The following TNFAIP8 variants were observed in gnomAD, a reference collection of about 807,000 sequenced individuals.
The protein encoded by TNFAIP8 is TNF alpha induced protein 8.
In TNFAIP8, 7 loss-of-function variants were observed where a neutral mutation model predicts 13.3. The observed-to-expected ratio is 0.52, with a 90% CI of 0.30 to 0.99. The LOEUF (loss-of-function observed/expected upper bound fraction) is 0.99, where lower values mean the gene tolerates loss of function less well. Among genes scored for constraint, TNFAIP8 ranks in the 50% least tolerant of loss-of-function variants. The pLI is 0.07. For synonymous variants in TNFAIP8, 94 were observed against 87.6 expected (o/e 1.07, Z -0.41); for missense variants, 258 against 236.9 (o/e 1.09, Z -0.58).
At chr5:119,281,306 A>ACACACACACACACACACTCTCT in intron 1 of TNFAIP8, among the ~76,000 whole-genome samples, 15,155 of 114,364 alleles carry the variant, frequency 0.13, 1,213 homozygotes, top group Non-Finnish European at 0.17. Flanking sequence ...ACACACACAC[A>ACACACACACACACACACTCTCT]CTCTCTCTCT....
intron 1 of TNFAIP8, among the ~76,000 whole-genome samples, chr5:119,293,834 G>A (rs1415816455): frequency 6.6e-6 from 1 of 152,176 alleles, no homozygotes; most frequent in African/African-American, 2.4e-5. Context: ...CTACTTTCAT[G>A]AATGCTTGAA....
chr5:119,328,088 G>A (rs1249865068), intron 1 of TNFAIP8, among the ~76,000 whole-genome samples: 1 of 152,148 alleles, frequency 6.6e-6, no homozygotes, highest in Non-Finnish European at 1.5e-5. Context: ...GCTTGAAATG[G>A]CTTCCAGGGA....
At chr5:119,392,225 C>G (rs139553642) in intron 1 of TNFAIP8, among the ~76,000 whole-genome samples, 12 of 152,310 alleles carry the variant, frequency 7.9e-5, no homozygotes, top group African/African-American at 2.9e-4. Flanking sequence ...GGAAATTTGA[C>G]TTTTTGCAAC....
At position 119,330,813 on chromosome 5, in the gene TNFAIP8, C is replaced by G. The variant is rs1230599771; in HGVS notation, c.1+61906C>G. Among the ~76,000 whole-genome samples, 5 of 152,080 alleles carry G rather than the reference C, an allele frequency of 3.3e-5. No homozygotes were observed. The East Asian group carries it at 7.7e-4, about 23-fold the overall frequency. ...CCAGATAAGGTGGCCGCAGACTTCC[C>G]TAATGACAGCTTATTTGGTATTACT... On this transcript the variant is annotated intron_variant, in intron 1 of 1. Transcript: ENST00000274456.
intron 1 of TNFAIP8, among the ~76,000 whole-genome samples, chr5:119,278,405 G>C (rs1190868971): frequency 1.3e-5 from 2 of 151,068 alleles, no homozygotes; most frequent in Admixed American, 6.6e-5. Flanking sequence ...GTGTGTGTGT[G>C]TGTGTGTGTG....
chr5:119,295,483 A>G (rs1272856249), intron 1 of TNFAIP8, among the ~76,000 whole-genome samples: 4 of 151,724 alleles, frequency 2.6e-5, no homozygotes, highest in Non-Finnish European at 2.9e-5. Context: ...TGTTCTGTTG[A>G]TCTATATCTC....
chr5:119,337,798 A>C (rs1308857764), intron 1 of TNFAIP8, among the ~76,000 whole-genome samples: 1 of 152,190 alleles, frequency 6.6e-6, no homozygotes, highest in African/African-American at 2.4e-5. Context: ...GCTCAGTTAA[A>C]GTTGCCACCA....
intron 1 of TNFAIP8, among the ~76,000 whole-genome samples, chr5:119,379,399 G>C (rs763352307): frequency 6.6e-6 from 1 of 152,214 alleles, no homozygotes; most frequent in Non-Finnish European, 1.5e-5. Context: ...AAGCAGGTTA[G>C]GAGAGATTTA....
Position 119,367,684 on chromosome 5 carries a change from A to C in TNFAIP8, c.31+11563A>C, listed in dbSNP as rs73790837. Among the ~76,000 whole-genome samples the C allele has an allele frequency of 1.1e-3, 173 of 152,328 alleles. 1 individual carries two copies. Among genetic ancestry groups the C allele is most frequent in the African/African-American group, 3.7e-3 (154 of 41,572 alleles). On this transcript the variant is annotated intron_variant, in intron 1 of 1. Transcript: ENST00000504771. ...AACTTGGCAGTTTGTTGCCATTAGC[A>C]TGCCCTTGGACAGGAAGTATTCAGT...
chr5:119,369,370 T>G (rs1751992780), intron 1 of TNFAIP8, among the ~76,000 whole-genome samples: 1 of 152,172 alleles, frequency 6.6e-6, no homozygotes, highest in Non-Finnish European at 1.5e-5. Flanking sequence ...TTCATTGAGT[T>G]AAATGAATCC....
At chr5:119,374,688 G>C (rs376927999) in intron 1 of TNFAIP8, among the ~76,000 whole-genome samples, 68 of 152,156 alleles carry the variant, frequency 4.5e-4, no homozygotes, top group Non-Finnish European at 8.1e-4. Flanking sequence ...ATTTCAATGC[G>C]GGGTAGCTAG....
intron 1 of TNFAIP8, among the ~76,000 whole-genome samples, chr5:119,273,531 G>A (rs1748352935): frequency 6.6e-6 from 1 of 152,166 alleles, no homozygotes; most frequent in Non-Finnish European, 1.5e-5. Context: ...CCAGAGCAGG[G>A]CATTCGAGTT....
upstream of TNFAIP8, chr5:119,355,398 G>C (rs1464424860): frequency 5.7e-6 from 4 of 701,640 alleles, no homozygotes; most frequent in Middle Eastern, 2.3e-4. Context: ...CAAAGGTAAG[G>C]GTGGAGGCCG....
intron 1 of TNFAIP8, among the ~76,000 whole-genome samples, chr5:119,349,301 T>C (rs1367636710): frequency 6.6e-6 from 1 of 152,236 alleles, no homozygotes; most frequent in African/African-American, 2.4e-5. Flanking sequence ...TTTGGAAAAG[T>C]GAAGAGGGGA....
intron 1 of TNFAIP8, among the ~76,000 whole-genome samples, chr5:119,304,589 C>G (rs960692437): frequency 2.0e-4 from 31 of 152,314 alleles, no homozygotes; most frequent in African/African-American, 6.3e-4. Flanking sequence ...AATATGATGC[C>G]TAGTCCTCAC....
chr5:119,345,790 T>C (rs1367206993), intron 1 of TNFAIP8, among the ~76,000 whole-genome samples: 2 of 152,226 alleles, frequency 1.3e-5, no homozygotes, highest in African/African-American at 4.8e-5. Flanking sequence ...ATAGTGGTGA[T>C]GATTGTACAA....
chr5:119,317,088 A>C (rs561534108), intron 1 of TNFAIP8, among the ~76,000 whole-genome samples: 7 of 152,208 alleles, frequency 4.6e-5, no homozygotes, highest in African/African-American at 1.7e-4. Context: ...CCACCCGGCA[A>C]GATAATAAAA....
chr5:119,332,082 C>T (rs1024358605), intron 1 of TNFAIP8, among the ~76,000 whole-genome samples: 6 of 152,108 alleles, frequency 3.9e-5, no homozygotes, highest in Non-Finnish European at 8.8e-5. Flanking sequence ...AGTGTCATAT[C>T]GCTATGAGTT....
rs553714331 is a variant in TNFAIP8 at position 119,327,759 on chromosome 5, G to A, written c.1+58852G>A. Among the ~76,000 whole-genome samples the A allele has an allele frequency of 7.6e-4, 116 of 152,124 alleles. 2 individuals are homozygous for A. In the South Asian group the frequency reaches 0.021, roughly 27 times the overall value. On this transcript the variant is annotated intron_variant, in intron 1 of 1. Coordinates refer to the TNFAIP8 transcript ENST00000274456. Reference sequence around the variant, plus strand: ...CACGTGTGAGCCACCGTGCCCGGCCGCGTTATCTTAAGCTTTACAGCAACC... The same window carrying A: ...CACGTGTGAGCCACCGTGCCCGGCCACGTTATCTTAAGCTTTACAGCAACC...
Sources: gnomAD v4.1 joint callset for allele counts (sites outside exome capture counted in the v4.1 genomes callset) on GRCh38, gnomAD v4.1.1 for gene constraint, MANE v1.5 for transcripts, NCBI Gene and HGNC (gene_info 2026-07-23, HGNC 2026-07-21) for gene names.